ZNF594: variants seen among roughly 807,000 people sequenced by gnomAD.
ZNF594 encodes the protein zinc finger protein 594, also known as zinc finger protein HZF18.
For synonymous variants in ZNF594, 336 were observed against 309.4 expected (o/e 1.09, Z -0.90); for missense variants, 1,037 against 964.6 (o/e 1.08, Z -0.99).
rs755117781 is a variant in ZNF594, at chr17:5,181,898, T to C, written c.2359A>G (p.Lys787Glu). The change falls in exon 2 of 2, where the codon AAA becomes GAA. Residue 787 changes from lysine to glutamate, a missense_variant. Physicochemically the swap from Lys to Glu is moderately conservative, Grantham distance 56. Transcript: ENST00000575779. ...IRHQVTHTRE[K>E]PYECKECGKT... ...CCACATTCTTTACATTCATATGGTTTCTCTCTTGTATGAGTTACCTGATGT... is the reference window on the plus strand; with the variant it reads ...CCACATTCTTTACATTCATATGGTTCCTCTCTTGTATGAGTTACCTGATGT... 5 of 1,614,058 alleles carry C rather than the reference T, an allele frequency of 3.1e-6. No homozygotes were observed. Among genetic ancestry groups the C allele is most frequent in the Middle Eastern group, 1.6e-4 (1 of 6,062 alleles).
downstream of ZNF594, among the ~76,000 whole-genome samples, chr17:5,176,961 C>G (rs373775063): frequency 6.6e-6 from 1 of 151,748 alleles, no homozygotes; most frequent in South Asian, 2.1e-4. Flanking sequence ...TTTGAGAGGC[C>G]GAGGCAGGCG....
chr17:5,175,621 T>C (rs1226962778), downstream of ZNF594, among the ~76,000 whole-genome samples: 1 of 152,150 alleles, frequency 6.6e-6, no homozygotes, highest in East Asian at 1.9e-4. Context: ...AAACTGAGGA[T>C]TGGTGCCTAC....
At chr17:5,176,131 T>C (rs1343157090), downstream of ZNF594, among the ~76,000 whole-genome samples, 1 of 152,218 alleles carries the variant, frequency 6.6e-6, no homozygotes, top group Non-Finnish European at 1.5e-5. Context: ...CCCAGTGGCT[T>C]ACACCTGTAA....
At chr17:5,177,906 C>CATAT (rs1190829401), downstream of ZNF594, among the ~76,000 whole-genome samples, 1 of 152,096 alleles carries the variant, frequency 6.6e-6, no homozygotes, top group East Asian at 1.9e-4. Context: ...AAAACTCCTA[C>CATAT]ATATACCGAA....
intron 1 of ZNF594, among the ~76,000 whole-genome samples, chr17:5,188,539 C>T (rs1040684804): frequency 6.6e-6 from 1 of 151,948 alleles, no homozygotes; most frequent in African/African-American, 2.4e-5. Context: ...TAAAAAAATA[C>T]ACATTTTCAG....
chr17:5,190,573 A>G (rs2074415379), intron 1 of ZNF594, among the ~76,000 whole-genome samples: 1 of 152,222 alleles, frequency 6.6e-6, no homozygotes, highest in Non-Finnish European at 1.5e-5. Flanking sequence ...AAGCTAAACA[A>G]AGAATCTATG....
Position 5,181,967 on chromosome 17 carries a change from T to A in ZNF594, c.2290A>T (p.Asn764Tyr), listed in dbSNP as rs756130861. Residue 764 changes from asparagine to tyrosine, a missense_variant, in exon 2 of 2, where the codon AAT becomes TAT. Physicochemically the swap from Asn to Tyr is moderately radical, Grantham distance 143. Coordinates refer to ENST00000575779, the MANE Select transcript of ZNF594 (RefSeq NM_032530.2). ...THQEKKVYWC[N>Y]QCSRTFQGSS... ...CCCTGGAAGGTCCTACTACACTGAT[T>A]ACACCAATAAACTTTCTTTTCCTGG... The A allele has an allele frequency of 1.2e-6, 2 of 1,613,682 alleles. No individual in the cohort carries two copies. Among genetic ancestry groups the A allele is most frequent in the Non-Finnish European group, 1.7e-6 (2 of 1,180,038 alleles).
chr17:5,183,532 T>A lies in ZNF594; in HGVS notation c.725A>T (p.Asn242Ile), dbSNP rs777343049. 9.9e-6 allele frequency: 16 copies of A among 1,614,108 alleles called. No homozygotes were observed. The highest frequency in any genetic ancestry group is 1.3e-5 in the African/African-American group (1 of 74,938). ...IHSRGKPYLC[N>I]KCGKAFSQST... Reference sequence around the variant, plus strand: ...TTGACTGAAAGCCTTCCCACATTTATTGCATAAATATGGCTTCCCCCTACT... The same window carrying A: ...TTGACTGAAAGCCTTCCCACATTTAATGCATAAATATGGCTTCCCCCTACT... The change falls in exon 2 of 2, where the codon AAT (asparagine) becomes ATT (isoleucine). Residue 242 changes from asparagine to isoleucine, a missense_variant. Physicochemically the swap from Asn to Ile is moderately radical, Grantham distance 149. Transcript: ENST00000575779.
chr17:5,188,120 G>A (rs375806670), intron 1 of ZNF594, among the ~76,000 whole-genome samples: 17 of 150,532 alleles, frequency 1.1e-4, no homozygotes, highest in African/African-American at 3.7e-4. Flanking sequence ...CTTTATTATT[G>A]GAGAGAATTG....
Position 5,182,067 on chromosome 17 carries a change from A to G in ZNF594, c.2190T>C (p.His730=). 1.9e-6 allele frequency: 3 copies of G among 1,613,556 alleles called. No individual in the cohort carries two copies. Among genetic ancestry groups the G allele is most frequent in the Non-Finnish European group, 2.5e-6 (3 of 1,179,978 alleles). The change falls in exon 2 of 2, where the codon CAT becomes CAC. Residue 730 remains histidine, a synonymous_variant. Coordinates refer to ENST00000575779, the MANE Select transcript of ZNF594 (RefSeq NM_032530.2). ...HTAFLKHQRL[H]AGEKLEECEK... is the part of the protein sequence containing the mutation. ...CACATTCTTCAAGTTTCTCTCCAGC[A>G]TGCAGTCTCTGATGTTTGAGGAAAG...
chr17:5,188,924 C>T (rs187273044), intron 1 of ZNF594, among the ~76,000 whole-genome samples: 4,089 of 151,640 alleles, frequency 0.027, 76 homozygotes, highest in Middle Eastern at 0.048. Flanking sequence ...ATTTTTTGTA[C>T]TTTTAGTAGA....
At chr17:5,187,718 AGTT>A (rs1418536535) in intron 1 of ZNF594, among the ~76,000 whole-genome samples, 1 of 152,192 alleles carries the variant, frequency 6.6e-6, no homozygotes, top group South Asian at 2.1e-4. Flanking sequence ...TACCTCATAG[AGTT>A]GTTATGAGAA....
At chr17:5,190,899 C>A (rs201012702) in intron 1 of ZNF594, among the ~76,000 whole-genome samples, 1 of 152,180 alleles carries the variant, frequency 6.6e-6, no homozygotes, top group Admixed American at 6.5e-5. Context: ...CTCCTGGGGA[C>A]GCGCTCGGTG....
chr17:5,177,059 G>A (rs1184211442), downstream of ZNF594, among the ~76,000 whole-genome samples: 1 of 151,936 alleles, frequency 6.6e-6, no homozygotes, highest in Non-Finnish European at 1.5e-5. Flanking sequence ...AGCCAGGCGG[G>A]GTGGCGGGTG....
At chr17:5,176,978 G>A (rs539204706), downstream of ZNF594, among the ~76,000 whole-genome samples, 2 of 151,696 alleles carry the variant, frequency 1.3e-5, no homozygotes, top group African/African-American at 2.4e-5. Context: ...GGCGGATCAC[G>A]AGGTCAGGAG....
At chr17:5,186,395 C>G (rs1416080960) in intron 1 of ZNF594, among the ~76,000 whole-genome samples, 3 of 152,224 alleles carry the variant, frequency 2.0e-5, no homozygotes, top group African/African-American at 7.2e-5. Context: ...TGCAGCGCAC[C>G]AAGTCCCTAG....
rs867719990 is a variant in ZNF594 at position 5,183,705 on chromosome 17, T to C, written c.552A>G (p.Ile184Met). 6.2e-7 allele frequency: 1 copy of C among 1,614,100 alleles called. No individual in the cohort carries two copies. Among genetic ancestry groups the C allele is most frequent in the South Asian group, 1.1e-5 (1 of 91,078 alleles). Residue 184 changes from isoleucine (I) to methionine (M), a missense_variant, in exon 2 of 2, where the codon ATA (isoleucine) becomes ATG (methionine). By Grantham distance (10) the Ile-to-Met change is conservative. Coordinates refer to ENST00000575779, the MANE Select transcript of ZNF594 (RefSeq NM_032530.2). ...QRIHTGKKPY[I>M]CHECGKDFNQ... ...TGAAGTCTTTTCCACATTCATGACATATATAAGGTTTCTTTCCTGTATGAA... is the reference window on the plus strand; with the variant it reads ...TGAAGTCTTTTCCACATTCATGACACATATAAGGTTTCTTTCCTGTATGAA...
downstream of ZNF594, among the ~76,000 whole-genome samples, chr17:5,176,506 A>T (rs899267944): frequency 6.6e-6 from 1 of 151,736 alleles, no homozygotes; most frequent in Non-Finnish European, 1.5e-5. Context: ...TCAAAAAATG[A>T]AGCACAACTC....
Position 5,191,818 on chromosome 17 carries a change from C to G in ZNF594, c.-91G>C, listed in dbSNP as rs1598141409. ...GGCCGCTATCACTGGGTCGCGGCTC[C>G]TAGCGCCACCATCTTGGACCCCGCG... On this transcript the variant is annotated 5_prime_UTR_variant, in exon 1 of 2. Transcript: ENST00000575779. 2 of 152,284 alleles carry G rather than the reference C, an allele frequency of 1.3e-5. No homozygotes were observed. Among genetic ancestry groups the G allele is most frequent in the African/African-American group, 4.8e-5 (2 of 41,444 alleles). 9.4% of individuals were successfully genotyped at this position (152,284 alleles called of 1,614,324 possible).
Sources: allele counts gnomAD v4.1 joint callset (sites outside exome capture counted in the v4.1 genomes callset), GRCh38; gene constraint gnomAD v4.1.1; transcripts MANE v1.5; gene names NCBI Gene and HGNC (gene_info 2026-07-23, HGNC 2026-07-21).